WDR27: variants seen among roughly 807,000 people sequenced by gnomAD.
WDR27 encodes the protein WD repeat-containing protein 27.
WDR27 carries 100 observed loss-of-function variants against 114.4 expected under a neutral mutation model. The ratio of observed to expected loss-of-function variants is 0.87; its 90% CI spans 0.74 to 1.03. The LOEUF (loss-of-function observed/expected upper bound fraction) is 1.03, where lower values mean the gene tolerates loss of function less well. Ranked by LOEUF, WDR27 falls within the 50% of genes least tolerant of loss-of-function variation. WDR27 has a pLI of 0.00. For synonymous variants in WDR27, 449 were observed against 423.1 expected (o/e 1.06, Z -0.75); for missense variants, 1,129 against 1,092.9 (o/e 1.03, Z -0.47).
At chr6:169,432,956 T>A in the WDR27 span, among the ~76,000 whole-genome samples, 2 of 152,182 alleles carry the variant, frequency 1.3e-5, no homozygotes, top group South Asian at 4.1e-4. Context: ...GCTTGTAGAA[T>A]CACTTTGAGT....
At chr6:169,533,632 G>A (rs1795872310) in intron 25 of WDR27, among the ~76,000 whole-genome samples, 1 of 152,194 alleles carries the variant, frequency 6.6e-6, no homozygotes, top group Non-Finnish European at 1.5e-5. Flanking sequence ...GGCACCACCA[G>A]CAATGGAGCT....
chr6:169,498,823 G>A lies in WDR27; in HGVS notation c.2646-41189C>T, dbSNP rs148904288. The stretch of plus-strand genomic sequence containing the variant: ...AGCAGTTGCCAGGGGTTATGGATGC[G>A]GGTGGGGGAGCGTGCGTGGTTTAAA... On this transcript the variant is annotated intron_variant, in intron 25 of 25. Coordinates refer to ENST00000448612, the MANE Select transcript of WDR27 (RefSeq NM_182552.5). Among the ~76,000 whole-genome samples the A allele has an allele frequency of 9.8e-4, 149 of 152,318 alleles. 4 individuals carry two copies. Among genetic ancestry groups the A allele is most frequent in the Admixed American group, 8.6e-3 (131 of 15,310 alleles).
chr6:169,585,742 A>G (rs1804413981), intron 23 of WDR27, among the ~76,000 whole-genome samples: 2 of 152,200 alleles, frequency 1.3e-5, no homozygotes, highest in African/African-American at 2.4e-5. Context: ...CTTCATCCTC[A>G]TTGACTTCAT....
intron 25 of WDR27, among the ~76,000 whole-genome samples, chr6:169,499,052 T>C (rs1790766675): frequency 6.6e-6 from 1 of 152,152 alleles, no homozygotes; most frequent in African/African-American, 2.4e-5. Context: ...TACTCAGAAA[T>C]ATGAGCAGTG....
chr6:169,507,809 G>A (rs1456293965), intron 25 of WDR27, among the ~76,000 whole-genome samples: 1 of 152,136 alleles, frequency 6.6e-6, no homozygotes, highest in Non-Finnish European at 1.5e-5. Context: ...TATTGTCTGT[G>A]GCTTTCTTGA....
intron 22 of WDR27, among the ~76,000 whole-genome samples, chr6:169,610,709 A>G (rs1810327650): frequency 6.6e-6 from 1 of 152,234 alleles, no homozygotes; most frequent in East Asian, 1.9e-4. Context: ...ACTACTACTC[A>G]GCCATAAAAA....
chr6:169,577,803 G>C (rs138585102), intron 24 of WDR27, among the ~76,000 whole-genome samples: 1 of 152,268 alleles, frequency 6.6e-6, no homozygotes, highest in East Asian at 1.9e-4. Flanking sequence ...CTGCCGGTTT[G>C]CGCTGGGACA....
intron 25 of WDR27, among the ~76,000 whole-genome samples, chr6:169,516,788 A>AAC (rs3032851): frequency 0.1 from 12,126 of 119,208 alleles, 650 homozygotes; most frequent in Admixed American, 0.17. Context: ...GGCATGCTCC[A>AAC]ACACACACAC....
intron 25 of WDR27, among the ~76,000 whole-genome samples, chr6:169,557,673 T>C (rs937380282): frequency 6.6e-6 from 1 of 152,220 alleles, no homozygotes; most frequent in Non-Finnish European, 1.5e-5. Flanking sequence ...GGCCCACACC[T>C]GTGGTCCCAG....
intron 25 of WDR27, among the ~76,000 whole-genome samples, chr6:169,503,201 G>A (rs766123214): frequency 1.3e-5 from 2 of 152,172 alleles, no homozygotes; most frequent in Non-Finnish European, 2.9e-5. Flanking sequence ...GGCCTTCAGA[G>A]GACAAGCCTG....
At chr6:169,700,830 T>C (rs1000233806) in intron 1 of WDR27, among the ~76,000 whole-genome samples, 4 of 152,244 alleles carry the variant, frequency 2.6e-5, no homozygotes, top group African/African-American at 7.2e-5. Context: ...TTTTTATCCC[T>C]ACCTCCTCTC....
chr6:169,689,385 T>C (rs1783863662), intron 1 of WDR27: 1 of 157,484 alleles, frequency 6.3e-6, no homozygotes, highest in Non-Finnish European at 1.4e-5. Context: ...GCTGTGGCAC[T>C]TAGCGTTCTA....
downstream of WDR27, among the ~76,000 whole-genome samples, chr6:169,455,218 C>G (rs760673808): frequency 2.0e-5 from 3 of 152,108 alleles, no homozygotes; most frequent in Non-Finnish European, 4.4e-5. Flanking sequence ...GAGCAGTATG[C>G]CTTTAAATGG....
intron 1 of WDR27, among the ~76,000 whole-genome samples, chr6:169,700,699 C>A (rs1332026288): frequency 6.6e-6 from 1 of 152,216 alleles, no homozygotes; most frequent in Non-Finnish European, 1.5e-5. Context: ...TGCAACTGTT[C>A]TATTGGGGTG....
chr6:169,661,325 G>C (rs1218806351), intron 9 of WDR27, among the ~76,000 whole-genome samples: 1 of 152,218 alleles, frequency 6.6e-6, no homozygotes. Context: ...CTGTGAATAA[G>C]GAACCAACTC....
At chr6:169,672,921 AT>A (rs1490285127) in intron 2 of WDR27, among the ~76,000 whole-genome samples, 2 of 152,236 alleles carry the variant, frequency 1.3e-5, no homozygotes, top group African/African-American at 4.8e-5. Context: ...CACAGTCAGA[AT>A]AATACAGTGA....
chr6:169,671,009 C>T (rs1302574032), intron 3 of WDR27: 1 of 244,132 alleles, frequency 4.1e-6, no homozygotes, highest in African/African-American at 2.2e-5. Flanking sequence ...TGCTTCTCAC[C>T]CACATCCAAC....
chr6:169,615,492 C>G (rs1314686449), intron 21 of WDR27, among the ~76,000 whole-genome samples: 1 of 152,110 alleles, frequency 6.6e-6, no homozygotes, highest in Non-Finnish European at 1.5e-5. Context: ...ATACCTACGA[C>G]CGACTGATAT....
chr6:169,536,273 A>C (rs1240510557), intron 25 of WDR27, among the ~76,000 whole-genome samples: 6 of 152,214 alleles, frequency 3.9e-5, no homozygotes. Context: ...ATCTGATATG[A>C]GCCTTGCATA....
Sources: allele counts gnomAD v4.1 joint callset (sites outside exome capture counted in the v4.1 genomes callset), GRCh38; gene constraint gnomAD v4.1.1; transcripts MANE v1.5; gene names NCBI Gene and HGNC (gene_info 2026-07-23, HGNC 2026-07-21).